Variants in SLC25A16 observed in about 807,000 individuals in gnomAD.
SLC25A16 encodes mitochondrial coenzyme A transporter SLC25A16.
A neutral mutation model predicts 41.5 loss-of-function variants in SLC25A16; 39 were observed. That is an observed-to-expected ratio of 0.94 (90% CI 0.73 to 1.23). The LOEUF (loss-of-function observed/expected upper bound fraction) is 1.23, where lower values mean the gene tolerates loss of function less well. Ranked by LOEUF, SLC25A16 falls within the 50% of genes most tolerant of loss-of-function variation. SLC25A16 has a pLI of 0.00. For synonymous variants in SLC25A16, 146 were observed against 147.8 expected (o/e 0.99, Z 0.09); for missense variants, 421 against 426.9 (o/e 0.99, Z 0.12).
chr10:68,515,817 T>C (rs2053153073), intron 2 of SLC25A16, among the ~76,000 whole-genome samples: 1 of 151,860 alleles, frequency 6.6e-6, no homozygotes, highest in South Asian at 2.1e-4. Flanking sequence ...AATAAATAAA[T>C]AAATAAATAG....
rs1244587654 is a variant in SLC25A16 at position 68,481,430 on chromosome 10, A to C, written c.*2002T>G. The C allele has an allele frequency of 1.3e-5, 2 of 152,208 alleles. No individual in the cohort carries two copies. Among genetic ancestry groups the C allele is most frequent in the East Asian group, 3.8e-4 (2 of 5,196 alleles). The allele number at this position is 152,208 out of a possible 1,614,324, so 9.4% of individuals were successfully genotyped here. Reference sequence around the variant, plus strand: ...AAGAAACCTTTTATGTAAAGAAATAAAAATTGAAGCAAAAATAACACTTTC... The same window carrying C: ...AAGAAACCTTTTATGTAAAGAAATACAAATTGAAGCAAAAATAACACTTTC... On this transcript the variant is annotated 3_prime_UTR_variant, in exon 9 of 9. Coordinates refer to ENST00000609923, the MANE Select transcript of SLC25A16 (RefSeq NM_152707.4).
intron 4 of SLC25A16, among the ~76,000 whole-genome samples, chr10:68,494,807 A>G (rs898870324): frequency 6.6e-6 from 1 of 151,024 alleles, no homozygotes; most frequent in African/African-American, 2.4e-5. Context: ...AACCCTCAGG[A>G]GGCGGAGGTT....
chr10:68,501,222 A>C (rs1346193090), intron 4 of SLC25A16, among the ~76,000 whole-genome samples: 1 of 150,824 alleles, frequency 6.6e-6, no homozygotes, highest in Non-Finnish European at 1.5e-5. Context: ...CTGCACTCCA[A>C]CCTGGGCGAC....
intron 3 of SLC25A16, among the ~76,000 whole-genome samples, chr10:68,505,977 A>G (rs143827147): frequency 0.044 from 6,642 of 152,126 alleles, 205 homozygotes; most frequent in Middle Eastern, 0.088. Flanking sequence ...GGTGGCAGTG[A>G]GCCAAGAGTG....
intron 2 of SLC25A16, among the ~76,000 whole-genome samples, chr10:68,509,859 A>G (rs2053030252): frequency 1.3e-5 from 2 of 151,806 alleles, no homozygotes; most frequent in Admixed American, 1.3e-4. Context: ...TTGGGAGGCC[A>G]AGGCAGGCAG....
chr10:68,524,176 G>A (rs2053294843), intron 1 of SLC25A16, among the ~76,000 whole-genome samples: 2 of 151,638 alleles, frequency 1.3e-5, no homozygotes, highest in Admixed American at 6.6e-5. Flanking sequence ...CGGGCGTGGT[G>A]GCGGGCGCCT....
intron 2 of SLC25A16, among the ~76,000 whole-genome samples, chr10:68,510,428 G>A (rs1315424893): frequency 6.6e-6 from 1 of 151,922 alleles, no homozygotes; most frequent in East Asian, 1.9e-4. Context: ...TGTACTCCCA[G>A]CTACTCGGGA....
intron 6 of SLC25A16, among the ~76,000 whole-genome samples, chr10:68,489,947 A>C (rs929411687): frequency 1.3e-5 from 2 of 151,184 alleles, no homozygotes; most frequent in Non-Finnish European, 2.9e-5. Flanking sequence ...GATTTCTCTT[A>C]CCAAATATAA....
chr10:68,490,203 C>T (rs1274848840), intron 6 of SLC25A16, among the ~76,000 whole-genome samples: 1 of 152,064 alleles, frequency 6.6e-6, no homozygotes. Context: ...GTCAAGGCTG[C>T]AGTGAGCCAC....
intron 2 of SLC25A16, among the ~76,000 whole-genome samples, chr10:68,514,216 G>A (rs2053119419): frequency 6.6e-6 from 1 of 152,056 alleles, no homozygotes; most frequent in African/African-American, 2.4e-5. Flanking sequence ...ATAATAATAG[G>A]CCGGGCACAG....
chr10:68,483,641 T>C, intron 8 of SLC25A16, 53 bp from the exon 9 acceptor site: 3 of 1,439,032 alleles, frequency 2.1e-6, no homozygotes, highest in Non-Finnish European at 2.8e-6. Flanking sequence ...GAAGAAACAA[T>C]TTCAGGATCC....
chr10:68,487,790 C>T (rs985575232), intron 7 of SLC25A16, among the ~76,000 whole-genome samples: 1 of 152,200 alleles, frequency 6.6e-6, no homozygotes, highest in South Asian at 2.1e-4. Flanking sequence ...ACAAAATTTT[C>T]CATAAGGGCT....
chr10:68,489,515 T>TAA (rs546540040), intron 6 of SLC25A16, among the ~76,000 whole-genome samples: 123 of 152,198 alleles, frequency 8.1e-4, no homozygotes, highest in African/African-American at 2.7e-3. Flanking sequence ...TGTTTATTAA[T>TAA]AAAATTAAGA....
rs59336332 is a variant in SLC25A16 at position 68,508,403 on chromosome 10, T to TAA, written c.224-1687_224-1686dup. Among the ~76,000 whole-genome samples the TAA allele has an allele frequency of 4.2e-3, 534 of 126,110 alleles. 15 individuals carry two copies. Among genetic ancestry groups the TAA allele is most frequent in the African/African-American group, 0.011 (361 of 34,310 alleles). The allele number at this position is 126,110 out of a possible 152,430, so 82.7% of individuals were successfully genotyped here. A position where few individuals can be genotyped will look rare whatever the true frequency, so the allele number is the denominator to read the frequency against. ...TGGATAGGAGAGTAACAGGAAGCTTTAAAAAAAAAAAAAAAAAAAAGAATT... is the reference window on the plus strand; with the variant it reads ...TGGATAGGAGAGTAACAGGAAGCTTTAAAAAAAAAAAAAAAAAAAAAAGAATT... On this transcript the variant is annotated intron_variant, in intron 2 of 8. Transcript: ENST00000609923.
At chr10:68,497,078 A>G (rs138643053) in intron 4 of SLC25A16, among the ~76,000 whole-genome samples, 2 of 152,352 alleles carry the variant, frequency 1.3e-5, no homozygotes, top group Admixed American at 1.3e-4. Flanking sequence ...AAGTATATGG[A>G]CATTTACAGA....
chr10:68,492,285 T>TAA (rs568711097), intron 6 of SLC25A16, among the ~76,000 whole-genome samples: 1 of 152,166 alleles, frequency 6.6e-6, no homozygotes, highest in Non-Finnish European at 1.5e-5. Flanking sequence ...TTCCTCTATA[T>TAA]AAAATCAACT....
At chr10:68,491,929 A>G (rs1270311393) in intron 6 of SLC25A16, among the ~76,000 whole-genome samples, 2 of 152,004 alleles carry the variant, frequency 1.3e-5, no homozygotes, top group Non-Finnish European at 2.9e-5. Context: ...CCCGGGTTCA[A>G]ATGATTCTCC....
chr10:68,486,042 ACC>A (rs2052554832), intron 8 of SLC25A16, among the ~76,000 whole-genome samples: 1 of 145,898 alleles, frequency 6.9e-6, no homozygotes, highest in African/African-American at 2.5e-5. Flanking sequence ...ACGTGGTGAA[ACC>A]CCGTCTCTCC....
Position 68,527,237 on chromosome 10 carries a change from T to C in SLC25A16, c.130+9A>G, listed in dbSNP as rs777444380. ...AGAGCGCGGCTGGCTCTTCGTGGCATGGACCCACCTCCGGCCAGAAAGGAG... is the reference window on the plus strand; with the variant it reads ...AGAGCGCGGCTGGCTCTTCGTGGCACGGACCCACCTCCGGCCAGAAAGGAG... On this transcript the variant is annotated intron_variant, in intron 1 of 8. Transcript: ENST00000609923. 1 of 1,547,116 alleles carries C rather than the reference T, an allele frequency of 6.5e-7. No individual in the cohort carries two copies. Among genetic ancestry groups the C allele is most frequent in the African/African-American group, 1.4e-5 (1 of 72,130 alleles).
Sources: allele counts gnomAD v4.1 joint callset (sites outside exome capture counted in the v4.1 genomes callset), GRCh38; gene constraint gnomAD v4.1.1; transcripts MANE v1.5; gene names NCBI Gene and HGNC (gene_info 2026-07-23, HGNC 2026-07-21).